Variants in PRSS23 observed in about 807,000 individuals in gnomAD.
The protein encoded by PRSS23 is serine protease 23.
In PRSS23, 25 loss-of-function variants were observed where a neutral mutation model predicts 34.7. That is an observed-to-expected ratio of 0.72 (90% CI 0.53 to 1.01). The LOEUF (loss-of-function observed/expected upper bound fraction) is 1.01. PRSS23 is among the 50% of genes least tolerant of loss of function. The pLI is 0.00. For synonymous variants in PRSS23, 176 were observed against 186.6 expected (o/e 0.94, Z 0.46); for missense variants, 445 against 475.6 (o/e 0.94, Z 0.60).
intron 2 of PRSS23, among the ~76,000 whole-genome samples, chr11:86,825,614 G>A (rs937469498): frequency 9.9e-5 from 15 of 151,278 alleles, no homozygotes; most frequent in Non-Finnish European, 1.6e-4. Flanking sequence ...ATGGTTTTAG[G>A]TCTAACGTTT....
intron 2 of PRSS23, among the ~76,000 whole-genome samples, chr11:86,893,023 G>C (rs1362528063): frequency 6.6e-6 from 1 of 152,182 alleles, no homozygotes; most frequent in African/African-American, 2.4e-5. Context: ...AGATCACAAT[G>C]GGTTAGAGTG....
chr11:86,939,404 ATAT>A (rs1383677162), intron 2 of PRSS23, among the ~76,000 whole-genome samples: 595 of 58,760 alleles, frequency 0.01, 10 homozygotes, highest in African/African-American at 0.027. Flanking sequence ...AAAAAAAAAA[ATAT>A]ATATATATAT....
chr11:86,882,912 G>T (rs1328817899), intron 2 of PRSS23, among the ~76,000 whole-genome samples: 2 of 152,114 alleles, frequency 1.3e-5, no homozygotes, highest in Non-Finnish European at 2.9e-5. Context: ...GTGTGAGATG[G>T]TATCTCATTG....
Position 86,833,245 on chromosome 11 carries a change from C to T in PRSS23, c.206+9652C>T, listed in dbSNP as rs181054527. The stretch of plus-strand genomic sequence containing the variant: ...CTTGGGGACCGTGTTGGAGGTGAAA[C>T]CGATGTCAGCCAAGGACAGGTTGGA... On this transcript the variant is annotated intron_variant, in intron 2 of 2. Transcript: ENST00000533902. 1.7e-4 allele frequency: 262 copies of T among 1,573,532 alleles called. No homozygotes were observed. In the African/African-American group the frequency reaches 3.3e-3, roughly 20 times the overall value.
intron 2 of PRSS23, chr11:86,837,473 T>G (rs1372308466): frequency 6.6e-6 from 1 of 152,212 alleles, no homozygotes; most frequent in Non-Finnish European, 1.5e-5. Flanking sequence ...CTTAGAGATT[T>G]CATAAGAAAG....
At position 86,842,528 on chromosome 11, in the gene PRSS23, C is replaced by G. The variant is rs112301030; in HGVS notation, c.206+18935C>G. ...ACGACATGATTGTATATTTAGAAAA[C>G]CCCATTGTCTCAGCCCAAAATCTCC... is the stretch of plus-strand genomic sequence containing the variant. On this transcript the variant is annotated intron_variant, in intron 2 of 2. Transcript: ENST00000533902. Among the ~76,000 whole-genome samples, 296 of 152,280 alleles carry G rather than the reference C, an allele frequency of 1.9e-3. 3 individuals are homozygous for G. The highest frequency in any genetic ancestry group is 6.8e-3 in the Middle Eastern group (2 of 294).
At chr11:86,920,097 T>C (rs1034087918) in intron 2 of PRSS23, among the ~76,000 whole-genome samples, 7 of 152,226 alleles carry the variant, frequency 4.6e-5, no homozygotes, top group African/African-American at 7.2e-5. Context: ...TTTTTAGGGC[T>C]GCTAGTGCAG....
chr11:86,818,392 A>G (rs556083678), intron 1 of PRSS23, among the ~76,000 whole-genome samples: 1 of 152,256 alleles, frequency 6.6e-6, no homozygotes, highest in African/African-American at 2.4e-5. Context: ...TTTAAGACAC[A>G]CTATTGTTTC....
intron 2 of PRSS23, among the ~76,000 whole-genome samples, chr11:86,926,109 T>G (rs1219737170): frequency 6.6e-6 from 1 of 152,202 alleles, no homozygotes; most frequent in Non-Finnish European, 1.5e-5. Context: ...ACACCTGTAA[T>G]CCCAGCACTT....
chr11:86,924,454 C>A (rs1017605345), intron 2 of PRSS23, among the ~76,000 whole-genome samples: 3 of 152,106 alleles, frequency 2.0e-5, no homozygotes, highest in Non-Finnish European at 2.9e-5. Context: ...GACCTGGGAC[C>A]AAGAAGTAAG....
rs956685610 is a variant in PRSS23 at position 86,952,174 on chromosome 11, C to T, written c.*889C>T. 6.8e-6 allele frequency: 11 copies of T among 1,611,948 alleles called. No homozygotes were observed. The highest frequency in any genetic ancestry group is 3.3e-5 in the Admixed American group (2 of 59,912). On this transcript the variant is annotated 3_prime_UTR_variant, in exon 3 of 3. Transcript: ENST00000533902. The stretch of plus-strand genomic sequence containing the variant: ...TGAGCACACAGTTCAGGCTCCTTTT[C>T]ACCCAGATGTACTGATCAGAATTGG...
chr11:86,854,287 C>G (rs550620964), intron 2 of PRSS23, among the ~76,000 whole-genome samples: 2 of 152,124 alleles, frequency 1.3e-5, no homozygotes, highest in African/African-American at 4.8e-5. Flanking sequence ...GGTGTGAGCC[C>G]CCGCACCTGG....
intron 1 of PRSS23, among the ~76,000 whole-genome samples, chr11:86,801,206 G>A (rs1312788676): frequency 6.6e-6 from 1 of 152,176 alleles, no homozygotes; most frequent in Non-Finnish European, 1.5e-5. Context: ...TGTGCGTTCC[G>A]GGGGTGCTAA....
At chr11:86,796,701 A>G (rs1190112715), upstream of PRSS23, among the ~76,000 whole-genome samples, 1 of 151,868 alleles carries the variant, frequency 6.6e-6, no homozygotes, top group Non-Finnish European at 1.5e-5. Flanking sequence ...AGTACCTGGC[A>G]TATAGTATGC....
At chr11:86,854,934 A>G (rs565455772) in intron 2 of PRSS23, among the ~76,000 whole-genome samples, 130 of 152,298 alleles carry the variant, frequency 8.5e-4, no homozygotes, top group Non-Finnish European at 1.6e-3. Flanking sequence ...TGAGAGGCCG[A>G]GGTGGGCGGT....
At chr11:86,902,392 C>G (rs11234869) in intron 2 of PRSS23, among the ~76,000 whole-genome samples, 7,036 of 152,232 alleles carry the variant, frequency 0.046, 213 homozygotes, top group East Asian at 0.12. Flanking sequence ...TTCTTAAGAC[C>G]TGTTATTCAG....
chr11:86,877,846 T>C (rs1439998674), intron 2 of PRSS23, among the ~76,000 whole-genome samples: 2 of 137,172 alleles, frequency 1.5e-5, no homozygotes, highest in Admixed American at 1.5e-4. Context: ...GGATCAACTT[T>C]TTCATTTCTG....
intron 2 of PRSS23, among the ~76,000 whole-genome samples, chr11:86,846,160 T>C (rs938826595): frequency 7.2e-5 from 11 of 152,318 alleles, no homozygotes; most frequent in African/African-American, 2.6e-4. Context: ...CTCTCGGTCC[T>C]TGCCTCTATC....
intron 2 of PRSS23, among the ~76,000 whole-genome samples, chr11:86,825,263 C>G (rs976502648): frequency 6.6e-6 from 1 of 151,952 alleles, no homozygotes; most frequent in Non-Finnish European, 1.5e-5. Flanking sequence ...TGTCTTTTGG[C>G]TGCATAAATG....
Sources: gnomAD v4.1 joint callset for allele counts (sites outside exome capture counted in the v4.1 genomes callset) on GRCh38, gnomAD v4.1.1 for gene constraint, MANE v1.5 for transcripts, NCBI Gene and HGNC (gene_info 2026-07-23, HGNC 2026-07-21) for gene names.